The following MTUS2 variants were observed in gnomAD, a reference collection of about 807,000 sequenced individuals.
The protein encoded by MTUS2 is microtubule associated scaffold protein 2.
A neutral mutation model predicts 114.1 loss-of-function variants in MTUS2; 40 were observed. That is an observed-to-expected ratio of 0.35 (90% CI 0.27 to 0.46). MTUS2 has a LOEUF of 0.46. Among genes scored for constraint, MTUS2 ranks in the 20% least tolerant of loss-of-function variants. The pLI is 1.00. For missense variants in MTUS2, 1,679 were observed against 1,705.4 expected (o/e 0.98, Z 0.27); for synonymous variants, 688 against 672.0 (o/e 1.02, Z -0.37).
intron 8 of MTUS2, among the ~76,000 whole-genome samples, chr13:29,411,220 A>G (rs1031192722): frequency 1.6e-4 from 25 of 152,228 alleles, no homozygotes; most frequent in African/African-American, 5.8e-4. Context: ...TTTATTTTGA[A>G]ATTTAGATCC....
chr13:29,281,371 C>T (rs148395726), intron 5 of MTUS2, among the ~76,000 whole-genome samples: 4 of 152,110 alleles, frequency 2.6e-5, no homozygotes, highest in Admixed American at 6.6e-5. Flanking sequence ...TACATTTGCA[C>T]ATACACATAA....
intron 4 of MTUS2, among the ~76,000 whole-genome samples, chr13:29,082,208 A>G (rs1889474913): frequency 6.6e-6 from 1 of 152,208 alleles, no homozygotes; most frequent in Non-Finnish European, 1.5e-5. Flanking sequence ...GAGGGCCTTT[A>G]CTGGAACCTG....
chr13:29,055,647 A>G (rs756473888), intron 4 of MTUS2, among the ~76,000 whole-genome samples: 5 of 151,982 alleles, frequency 3.3e-5, no homozygotes, highest in Admixed American at 6.6e-5. Context: ...AAAGGAAATG[A>G]TCTCGTTCTT....
At chr13:29,216,663 C>T in intron 5 of MTUS2, among the ~76,000 whole-genome samples, 1 of 152,210 alleles carries the variant, frequency 6.6e-6, no homozygotes, top group Admixed American at 6.5e-5. Flanking sequence ...CCCCACCCTG[C>T]TTCTGCTCAC....
intron 5 of MTUS2, among the ~76,000 whole-genome samples, chr13:29,103,695 G>A (rs554330951): frequency 9.9e-5 from 15 of 152,274 alleles, no homozygotes; most frequent in African/African-American, 3.4e-4. Context: ...CATTACGGTG[G>A]CTAAGACGTC....
rs756526441 is a variant in MTUS2, at chr13:29,480,115, AT to A, written c.3185-29del. 2.6e-6 allele frequency: 4 copies of A among 1,549,116 alleles called. No individual in the cohort carries two copies. The highest frequency in any genetic ancestry group is 3.5e-6 in the Non-Finnish European group (4 of 1,145,372). ...AGTCCTTCCCATGCCTCCTACGGCC[AT>A]TTTTTAAAGAAAGATCTTGTGCTTT... is the stretch of plus-strand genomic sequence containing the variant. On this transcript the variant is annotated intron_variant, in intron 9 of 15. Transcript: ENST00000612955. The surrounding 1 kb of genome is among the most constrained non-coding windows in gnomAD (Gnocchi z 4.4).
chr13:28,947,050 A>G (rs1050131182), intron 2 of MTUS2, among the ~76,000 whole-genome samples: 5 of 152,174 alleles, frequency 3.3e-5, no homozygotes, highest in African/African-American at 1.2e-4. Flanking sequence ...GAGAGTAAGA[A>G]GGGCCCCCAG....
intron 9 of MTUS2, among the ~76,000 whole-genome samples, chr13:29,465,669 C>G (rs1303648874): frequency 6.6e-6 from 1 of 152,116 alleles, no homozygotes; most frequent in East Asian, 1.9e-4. Context: ...TCTGGCCTCA[C>G]GTCCCAAAAC....
chr13:28,935,367 AG>A lies in MTUS2; in HGVS notation c.-242-89088del, dbSNP rs571264382. On this transcript the variant is annotated intron_variant, in intron 2 of 15. Transcript: ENST00000612955. ...GATTGCCAAACGTATGTTGAGTTTT[AG>A]GAGAGAATTCCAAAGTTTTTGCAAG... 5.3e-4 allele frequency among the ~76,000 whole-genome samples: 81 copies of A among 152,286 alleles called. 1 individual carries two copies. The South Asian group carries it at 0.016, about 30-fold the overall frequency.
intron 5 of MTUS2, among the ~76,000 whole-genome samples, chr13:29,142,389 A>G (rs988495071): frequency 4.6e-5 from 7 of 152,066 alleles, no homozygotes; most frequent in African/African-American, 1.7e-4. Flanking sequence ...AGAACCATTG[A>G]TAGGAATGCA....
intron 2 of MTUS2, among the ~76,000 whole-genome samples, chr13:29,012,302 C>T (rs893882148): frequency 2.0e-5 from 3 of 152,098 alleles, no homozygotes; most frequent in African/African-American, 4.8e-5. Context: ...ACCCGACTCA[C>T]GCCCACTCCC....
At chr13:29,322,643 G>T (rs530599997) in intron 6 of MTUS2, among the ~76,000 whole-genome samples, 1 of 152,328 alleles carries the variant, frequency 6.6e-6, no homozygotes, top group East Asian at 1.9e-4. Context: ...ACTGGCAGGT[G>T]ATGAGAGGGC....
chr13:29,243,687 A>G (rs1256125421), intron 5 of MTUS2, among the ~76,000 whole-genome samples: 2 of 152,206 alleles, frequency 1.3e-5, no homozygotes, highest in South Asian at 4.1e-4. Flanking sequence ...AAATATTAAT[A>G]TAAGAGAGTA....
chr13:28,906,827 T>C (rs560526272), intron 2 of MTUS2, among the ~76,000 whole-genome samples: 2 of 151,666 alleles, frequency 1.3e-5, no homozygotes, highest in African/African-American at 4.9e-5. Flanking sequence ...GAAAACACTT[T>C]GCACGGTGTT....
chr13:29,431,949 A>G (rs902496188), intron 8 of MTUS2, among the ~76,000 whole-genome samples: 3 of 151,250 alleles, frequency 2.0e-5, no homozygotes, highest in East Asian at 1.9e-4. Context: ...GACTCAAACA[A>G]TCTTCCCACC....
intron 2 of MTUS2, among the ~76,000 whole-genome samples, chr13:28,851,632 G>A (rs1876276642): frequency 6.6e-6 from 1 of 152,142 alleles, no homozygotes; most frequent in African/African-American, 2.4e-5. Flanking sequence ...CTCTGACCAG[G>A]GTCCTGAAGC....
At chr13:28,981,897 C>G (rs1239317826) in intron 2 of MTUS2, among the ~76,000 whole-genome samples, 3 of 152,166 alleles carry the variant, frequency 2.0e-5, no homozygotes, top group Admixed American at 6.5e-5. Context: ...TGGGTATGAG[C>G]GTATCTGGTT....
chr13:29,315,532 G>A (rs1899952687), intron 6 of MTUS2, among the ~76,000 whole-genome samples: 1 of 152,144 alleles, frequency 6.6e-6, no homozygotes. Context: ...ATTAATTGCT[G>A]GACTGTGCTG....
chr13:29,310,183 A>G (rs561744752), intron 6 of MTUS2, among the ~76,000 whole-genome samples: 4 of 152,264 alleles, frequency 2.6e-5, no homozygotes, highest in East Asian at 3.9e-4. Flanking sequence ...TATTCTCACA[A>G]TAACCTTGTG....
Sources: gnomAD v4.1 joint callset for allele counts (sites outside exome capture counted in the v4.1 genomes callset) on GRCh38, gnomAD v4.1.1 for gene constraint, Gnocchi (gnomAD v3.1) non-coding constraint, MANE v1.5 for transcripts, NCBI Gene and HGNC (gene_info 2026-07-23, HGNC 2026-07-21) for gene names.